CKM: variants seen among roughly 807,000 people sequenced by gnomAD.
The protein encoded by CKM is creatine kinase, M-type, also known as creatine kinase M-type.
In CKM, 28 loss-of-function variants were observed where a neutral mutation model predicts 35.4. That is an observed-to-expected ratio of 0.79 (90% CI 0.59 to 1.08). The LOEUF (loss-of-function observed/expected upper bound fraction) is 1.08, where lower values mean the gene tolerates loss of function less well. CKM is among the 50% of genes least tolerant of loss of function. CKM has a pLI of 0.00. For missense variants in CKM, 484 were observed against 509.8 expected (o/e 0.95, Z 0.49); for synonymous variants, 215 against 204.4 (o/e 1.05, Z -0.44).
chr19:45,322,253 C>T (rs1971220270), intron 1 of CKM, among the ~76,000 whole-genome samples: 1 of 151,970 alleles, frequency 6.6e-6, no homozygotes, highest in Admixed American at 6.6e-5. Flanking sequence ...GCCCCAGAGC[C>T]ACACACCCCC....
chr19:45,320,375 G>A (rs1971202446), intron 1 of CKM, among the ~76,000 whole-genome samples: 1 of 152,250 alleles, frequency 6.6e-6, no homozygotes, highest in Non-Finnish European at 1.5e-5. Context: ...GGGATTACAG[G>A]CGTGAGCCAC....
chr19:45,311,319 C>T (rs1412846939), intron 5 of CKM, among the ~76,000 whole-genome samples: 2 of 151,538 alleles, frequency 1.3e-5, no homozygotes, highest in African/African-American at 2.4e-5. Context: ...CTGCAACCTC[C>T]GCCACCTGGG....
rs576164882 is a variant in CKM at position 45,318,065 on chromosome 19, T to C, written c.194-86A>G. ...GGGCTCAGTGGAGCCTGTGTGGACA[T>C]GTGTGTCGGGATGGGGGCGGGTACA... On this transcript the variant is annotated intron_variant, in intron 2 of 7. Transcript: ENST00000221476. 5.0e-6 allele frequency: 6 copies of C among 1,195,630 alleles called. No individual in the cohort carries two copies. In the South Asian group the frequency reaches 6.3e-5, roughly 13 times the overall value. 74.1% of individuals were successfully genotyped at this position (1,195,630 alleles called of 1,614,324 possible). A position where few individuals can be genotyped will look rare whatever the true frequency, so the allele number is the denominator to read the frequency against.
At chr19:45,318,651 G>C (rs997558771) in intron 2 of CKM, among the ~76,000 whole-genome samples, 1 of 151,984 alleles carries the variant, frequency 6.6e-6, no homozygotes, top group Non-Finnish European at 1.5e-5. Flanking sequence ...GGCTACCACC[G>C]TACCACAGAG....
At position 45,306,740 on chromosome 19, in the gene CKM, G is replaced by A. The variant is rs1355812717; in HGVS notation, c.*10C>T. The A allele has an allele frequency of 6.2e-7, 1 of 1,613,952 alleles. No homozygotes were observed. The highest frequency in any genetic ancestry group is 8.5e-7 in the Non-Finnish European group (1 of 1,179,986). ...TGGGTTCCAGCAGTCGGTGGCAGGT[G>A]GGCAGGCGCCTACTTCTGGGCGGGG... is the stretch of plus-strand genomic sequence containing the variant. On this transcript the variant is annotated 3_prime_UTR_variant, in exon 8 of 8. Coordinates refer to ENST00000221476, the MANE Select transcript of CKM (RefSeq NM_001824.5). This position sits in a 1 kb window ranked among gnomAD's most constrained non-coding sequence, Gnocchi z 4.5.
Position 45,308,454 on chromosome 19 carries a change from GC to G in CKM, c.731del (p.Gly244AlafsTer3). Reference protein sequence around the residue: ...HLRVISMEKGGNMKEVFRRFC... With the variant: ...HLRVISMEKGXNMKEVFRRFC... ...AGCGGCGGAAAACCTCCTTCATGTT[GC>G]CCCCCTTCTCCATGGAGATGACCCG... is the stretch of plus-strand genomic sequence containing the variant. On this transcript the variant is annotated frameshift_variant, in exon 6 of 8. Coordinates refer to ENST00000221476, the MANE Select transcript of CKM (RefSeq NM_001824.5). LOFTEE classifies it high-confidence loss of function. 6.2e-7 allele frequency: 1 copy of G among 1,614,102 alleles called. No homozygotes were observed. The highest frequency in any genetic ancestry group is 1.1e-5 in the South Asian group (1 of 91,078).
rs755988278 is a variant in CKM, at chr19:45,315,565, G to A, written c.381C>T (p.Leu127=). ...TGCGGCCAGTGCGGACGCGGCTGCT[G>A]AGCACGTAGTTAGGGTCCAGGTCGT... ...GGDDLDPNYV[L]SSRVRTGRSI... Residue 127 remains leucine, a synonymous_variant, in exon 4 of 8, where the codon CTC becomes CTT. Coordinates refer to ENST00000221476, the MANE Select transcript of CKM (RefSeq NM_001824.5). 1 of 1,604,262 alleles carries A rather than the reference G, an allele frequency of 6.2e-7. No individual in the cohort carries two copies. The highest frequency in any genetic ancestry group is 1.1e-5 in the South Asian group (1 of 91,084).
At chr19:45,314,235 C>T (rs1331345197) in intron 4 of CKM, among the ~76,000 whole-genome samples, 2 of 152,082 alleles carry the variant, frequency 1.3e-5, no homozygotes, top group Non-Finnish European at 2.9e-5. Context: ...ACGACAACCG[C>T]CCTGATCAGT....
intron 5 of CKM, among the ~76,000 whole-genome samples, chr19:45,310,551 C>T (rs1971098221): frequency 6.6e-6 from 1 of 151,984 alleles, no homozygotes; most frequent in Non-Finnish European, 1.5e-5. Flanking sequence ...ATAAGTTGCC[C>T]AAGGTCACAA....
chr19:45,315,509 C>CAT lies in CKM; in HGVS notation c.436_437insAT (p.Cys146TyrfsTer21). ...CACCGCCCGGCGCTCGCCACGGGAGCAGTGTGGGGGCAACGTGTAGCCCTT... is the reference window on the plus strand; with the variant it reads ...CACCGCCCGGCGCTCGCCACGGGAGCATAGTGTGGGGGCAACGTGTAGCCCTT... On this transcript the variant is annotated frameshift_variant, in exon 4 of 8. Coordinates refer to ENST00000221476, the MANE Select transcript of CKM (RefSeq NM_001824.5). LOFTEE classifies it high-confidence loss of function. 2 of 1,600,682 alleles carry CAT rather than the reference C, an allele frequency of 1.2e-6. No homozygotes were observed. The highest frequency in any genetic ancestry group is 3.3e-4 in the Middle Eastern group (2 of 6,056).
Position 45,315,646 on chromosome 19 carries a change from C to T in CKM, c.349-49G>A, listed in dbSNP as rs1437505458. On this transcript the variant is annotated intron_variant, in intron 3 of 7. Coordinates refer to ENST00000221476, the MANE Select transcript of CKM (RefSeq NM_001824.5). ...GACCAGGCAGATCCTCCGCCCTCTC[C>T]AGCAAGCCCAGGTCTCCCCCAGATG... 4 of 1,593,484 alleles carry T rather than the reference C, an allele frequency of 2.5e-6. No individual in the cohort carries two copies. The Admixed American group carries it at 5.1e-5, about 20-fold the overall frequency.
At position 45,306,730 on chromosome 19, in the gene CKM, G is replaced by T. The variant is rs202146659; in HGVS notation, c.*20C>A. On this transcript the variant is annotated 3_prime_UTR_variant, in exon 8 of 8. Transcript: ENST00000221476. The surrounding 1 kb of genome is among the most constrained non-coding windows in gnomAD (Gnocchi z 4.5). ...TCCCACTGGCTGGGTTCCAGCAGTCGGTGGCAGGTGGGCAGGCGCCTACTT... is the reference window on the plus strand; with the variant it reads ...TCCCACTGGCTGGGTTCCAGCAGTCTGTGGCAGGTGGGCAGGCGCCTACTT... The T allele has an allele frequency of 6.2e-7, 1 of 1,613,554 alleles. No individual in the cohort carries two copies.
At chr19:45,319,766 T>G in intron 1 of CKM, 35 bp from the exon 2 acceptor site, 5 of 1,515,704 alleles carry the variant, frequency 3.3e-6, no homozygotes, top group Non-Finnish European at 4.5e-6. Flanking sequence ...GATTGAAGAT[T>G]AGCTGGCATC....
chr19:45,312,483 C>T (rs1033587496), intron 4 of CKM, among the ~76,000 whole-genome samples: 4 of 151,368 alleles, frequency 2.6e-5, no homozygotes, highest in East Asian at 2.0e-4. Context: ...AGCGCAATGG[C>T]GCGATCTTGG....
Position 45,319,574 on chromosome 19 carries a change from G to A in CKM, c.140C>T (p.Thr47Ile). The A allele has an allele frequency of 1.2e-6, 2 of 1,614,126 alleles. No individual in the cohort carries two copies. The highest frequency in any genetic ancestry group is 1.7e-6 in the Non-Finnish European group (2 of 1,180,032). Reference sequence around the variant, plus strand: ...ATCGTCTACAGTGAAGCCAGATGGAGTCTCCTTGTCCCGCAGCTTCTTGTA... The same window carrying A: ...ATCGTCTACAGTGAAGCCAGATGGAATCTCCTTGTCCCGCAGCTTCTTGTA... The part of the protein sequence containing the change: ...ELYKKLRDKE[T>I]PSGFTVDDVI... Residue 47 changes from threonine to isoleucine, a missense_variant, in exon 2 of 8, where the codon ACT becomes ATT. Coordinates refer to ENST00000221476, the MANE Select transcript of CKM (RefSeq NM_001824.5).
chr19:45,312,141 C>T (rs1413206419), intron 4 of CKM, among the ~76,000 whole-genome samples: 10 of 152,248 alleles, frequency 6.6e-5, no homozygotes, highest in Admixed American at 1.3e-4. Context: ...ACCCCATGTG[C>T]TCAATCTGGA....
At position 45,317,357 on chromosome 19, in the gene CKM, T is replaced by A. The variant is rs142438398; in HGVS notation, c.348+468A>T. Among the ~76,000 whole-genome samples, 198 of 152,228 alleles carry A rather than the reference T, an allele frequency of 1.3e-3. 1 individual carries two copies. The highest frequency in any genetic ancestry group is 3.8e-3 in the African/African-American group (156 of 41,530). On this transcript the variant is annotated intron_variant, in intron 3 of 7. Coordinates refer to ENST00000221476, the MANE Select transcript of CKM (RefSeq NM_001824.5). The stretch of plus-strand genomic sequence containing the variant: ...GGCTGGAGTGCAATGGCACGATCTC[T>A]GCTCACCACAACCTCTGCCTTCCAG...
intron 4 of CKM, among the ~76,000 whole-genome samples, chr19:45,312,678 G>A (rs1397800369): frequency 1.3e-5 from 2 of 152,164 alleles, no homozygotes; most frequent in East Asian, 1.9e-4. Context: ...TGTAGGCTGG[G>A]CGCAGTGGCT....
rs745487202 is a variant in CKM, at chr19:45,307,568, A to AGGTTGGATG, written c.851_859dup (p.Pro284_Asn286dup). 46 of 1,614,026 alleles carry AGGTTGGATG rather than the reference A, an allele frequency of 2.9e-5. No individual in the cohort carries two copies. Among genetic ancestry groups the AGGTTGGATG allele is most frequent in the Non-Finnish European group, 3.6e-5 (42 of 1,180,026 alleles). ...CACGCCTCCACGCAGCCCAGTGCCC[A>AGGTTGGATG]GGTTGGATGGGCAGGTGAGCACGTA... On this transcript the variant is annotated inframe_insertion, in exon 7 of 8. Transcript: ENST00000221476.
Sources: gnomAD v4.1 joint callset for allele counts (sites outside exome capture counted in the v4.1 genomes callset) on GRCh38, gnomAD v4.1.1 for gene constraint, Gnocchi (gnomAD v3.1) non-coding constraint, MANE v1.5 for transcripts, NCBI Gene and HGNC (gene_info 2026-07-23, HGNC 2026-07-21) for gene names.